GLI3: variants seen among roughly 807,000 people sequenced by gnomAD.
GLI3 encodes the protein GLI family zinc finger 3.
GLI3 carries 20 observed loss-of-function variants against 100.8 expected under a neutral mutation model. The observed-to-expected ratio is 0.20, with a 90% CI of 0.14 to 0.29. The LOEUF is 0.29. GLI3 is among the 10% of genes least tolerant of loss of function. GLI3 has a pLI of 1.00. For missense variants in GLI3, 2,040 were observed against 2,128.5 expected (o/e 0.96, Z 0.82); for synonymous variants, 938 against 860.5 (o/e 1.09, Z -1.58).
chr7:41,979,063 T>C (rs972393383), intron 10 of GLI3, among the ~76,000 whole-genome samples: 3 of 152,194 alleles, frequency 2.0e-5, no homozygotes, highest in African/African-American at 7.2e-5. Flanking sequence ...GACCAGCTAG[T>C]TATGAAATGA....
intron 7 of GLI3, among the ~76,000 whole-genome samples, chr7:42,032,581 A>T (rs1789323528): frequency 6.6e-6 from 1 of 152,228 alleles, no homozygotes; most frequent in African/African-American, 2.4e-5. Context: ...ATATGAGAAA[A>T]GCCTATGTTT....
intron 4 of GLI3, among the ~76,000 whole-genome samples, chr7:42,074,853 C>T (rs1368947366): frequency 6.6e-6 from 1 of 152,186 alleles, no homozygotes; most frequent in East Asian, 1.9e-4. Flanking sequence ...GATAATTATA[C>T]ATTTAGGCTG....
At chr7:42,138,024 C>A in intron 3 of GLI3, among the ~76,000 whole-genome samples, 1 of 152,178 alleles carries the variant, frequency 6.6e-6, no homozygotes, top group Non-Finnish European at 1.5e-5. Context: ...CTTGTTAAGG[C>A]TCTGCCTAGG....
At position 42,026,392 on chromosome 7, in the gene GLI3, T is replaced by G; in HGVS notation, c.1049A>C (p.Tyr350Ser). 1.2e-6 allele frequency: 2 copies of G among 1,613,572 alleles called. No homozygotes were observed. The highest frequency in any genetic ancestry group is 2.2e-5 in the East Asian group (1 of 44,846). The stretch of plus-strand genomic sequence containing the variant: ...GTGGAGAGAGACGGGCGCGGAAGAG[T>G]AGGTGAAGCTCAAGGCAGGGCTGCA... ...SAISPALSFTYSSAPVSLHMH... is the reference protein window; with the variant it reads ...SAISPALSFTSSSAPVSLHMH... The change falls in exon 8 of 15, where the codon TAC (tyrosine) becomes TCC (serine). Residue 350 changes from tyrosine to serine, a missense_variant. By Grantham distance (144) the Tyr-to-Ser change is moderately radical. Coordinates refer to ENST00000395925, the MANE Select transcript of GLI3 (RefSeq NM_000168.6).
At chr7:42,089,650 G>A (rs764469195) in intron 3 of GLI3, among the ~76,000 whole-genome samples, 3 of 152,120 alleles carry the variant, frequency 2.0e-5, no homozygotes, top group Non-Finnish European at 4.4e-5. Context: ...TCTCCATTTT[G>A]CCCAAGGCAG....
At chr7:42,143,860 C>T (rs1247864234) in intron 3 of GLI3, among the ~76,000 whole-genome samples, 1 of 152,186 alleles carries the variant, frequency 6.6e-6, no homozygotes, top group African/African-American at 2.4e-5. Context: ...AGCCTTCACA[C>T]AACTATAAAA....
intron 2 of GLI3, among the ~76,000 whole-genome samples, chr7:42,196,041 T>C (rs754307239): frequency 6.6e-6 from 1 of 152,096 alleles, no homozygotes. Flanking sequence ...AACACAAAAA[T>C]TAATGGGGAG....
chr7:42,201,389 C>T (rs1295744549), intron 2 of GLI3, among the ~76,000 whole-genome samples: 2 of 152,170 alleles, frequency 1.3e-5, no homozygotes, highest in Admixed American at 6.5e-5. Context: ...CGGGTAGAAA[C>T]TGTTACTGCC....
chr7:42,133,099 A>T (rs1327396413), intron 3 of GLI3, among the ~76,000 whole-genome samples: 2 of 152,112 alleles, frequency 1.3e-5, no homozygotes, highest in African/African-American at 4.8e-5. Flanking sequence ...ACTTTTTTTT[A>T]GAAATTAACT....
chr7:42,243,340 G>A (rs138376596), intron 1 of GLI3, among the ~76,000 whole-genome samples: 8 of 152,300 alleles, frequency 5.3e-5, no homozygotes, highest in Non-Finnish European at 1.2e-4. Context: ...AATTTGGTAG[G>A]TGGGAGTTTG....
At chr7:42,088,665 T>A (rs1785154338) in intron 3 of GLI3, among the ~76,000 whole-genome samples, 3 of 152,234 alleles carry the variant, frequency 2.0e-5, no homozygotes, top group Non-Finnish European at 4.4e-5. Context: ...CCAGACAAGC[T>A]AATGTGCTCA....
At chr7:42,059,466 C>A (rs1784525182) in intron 4 of GLI3, among the ~76,000 whole-genome samples, 1 of 149,186 alleles carries the variant, frequency 6.7e-6, no homozygotes. Flanking sequence ...ATATAATATT[C>A]ATTTATAATT....
chr7:42,060,273 G>A lies in GLI3; in HGVS notation c.474-11577C>T, dbSNP rs191418653. Among the ~76,000 whole-genome samples, 3 of 152,304 alleles carry A rather than the reference G, an allele frequency of 2.0e-5. No homozygotes were observed. In the East Asian group the frequency reaches 5.8e-4, roughly 29 times the overall value. On this transcript the variant is annotated intron_variant, in intron 4 of 14. Transcript: ENST00000395925. ...AAAGTCACCTGGCTTCCGTTGCCTT[G>A]TTGAGTACTGATTTCCCTCAAGGAC...
Position 41,972,309 on chromosome 7 carries a change from G to C in GLI3, c.2103+28C>G. 6.2e-7 allele frequency: 1 copy of C among 1,603,010 alleles called. No homozygotes were observed. The highest frequency in any genetic ancestry group is 1.1e-5 in the South Asian group (1 of 90,800). ...TGGCTCTTTTAAATGGGCCTGCTGT[G>C]AAGTCAGAAGGAGAGTGAATGACAT... On this transcript the variant is annotated intron_variant, in intron 13 of 14. Coordinates refer to ENST00000395925, the MANE Select transcript of GLI3 (RefSeq NM_000168.6). The surrounding 1 kb of genome is among the most constrained non-coding windows in gnomAD (Gnocchi z 4.4).
intron 6 of GLI3, among the ~76,000 whole-genome samples, chr7:42,040,502 T>G (rs1012564169): frequency 6.6e-6 from 1 of 152,092 alleles, no homozygotes; most frequent in East Asian, 1.9e-4. Flanking sequence ...AGGGAGAGAT[T>G]TTTATGTGTT....
Position 42,145,031 on chromosome 7 carries a change from A to G in GLI3, c.367+3195T>C, listed in dbSNP as rs6979762. Among the ~76,000 whole-genome samples the G allele has an allele frequency of 4.9e-3, 740 of 152,364 alleles. 5 individuals carry two copies. Among genetic ancestry groups the G allele is most frequent in the African/African-American group, 0.017 (692 of 41,586 alleles). ...GCCCACAAGATAAACAAATGTGACCAAAACTGTATGTCTCATTTTAAAAAG... is the reference window on the plus strand; with the variant it reads ...GCCCACAAGATAAACAAATGTGACCGAAACTGTATGTCTCATTTTAAAAAG... On this transcript the variant is annotated intron_variant, in intron 3 of 14. Coordinates refer to ENST00000395925, the MANE Select transcript of GLI3 (RefSeq NM_000168.6).
intron 2 of GLI3, among the ~76,000 whole-genome samples, chr7:42,174,908 T>C (rs1327765818): frequency 6.6e-6 from 1 of 152,082 alleles, no homozygotes; most frequent in Non-Finnish European, 1.5e-5. Flanking sequence ...GAGGATTAAG[T>C]GAGGATGCGC....
chr7:41,979,369 A>G (rs1787595626), intron 10 of GLI3, among the ~76,000 whole-genome samples: 1 of 152,226 alleles, frequency 6.6e-6, no homozygotes, highest in African/African-American at 2.4e-5. Context: ...TCATCAACAA[A>G]TAAGTTAGTC....
chr7:42,127,008 C>T (rs1786150566), intron 3 of GLI3, among the ~76,000 whole-genome samples: 1 of 152,232 alleles, frequency 6.6e-6, no homozygotes, highest in Non-Finnish European at 1.5e-5. Context: ...CACTCCCACA[C>T]TCGATATGGC....
Sources: gnomAD v4.1 joint callset for allele counts (sites outside exome capture counted in the v4.1 genomes callset) on GRCh38, gnomAD v4.1.1 for gene constraint, Gnocchi (gnomAD v3.1) non-coding constraint, MANE v1.5 for transcripts, NCBI Gene and HGNC (gene_info 2026-07-23, HGNC 2026-07-21) for gene names.